Variants in CIDEA observed in about 807,000 individuals in gnomAD.
CIDEA encodes lipid transferase CIDEA.
In CIDEA, 10 loss-of-function variants were observed where a neutral mutation model predicts 18.2. That is an observed-to-expected ratio of 0.55 (90% CI 0.34 to 0.93). The LOEUF (loss-of-function observed/expected upper bound fraction) is 0.93, where lower values mean the gene tolerates loss of function less well. Among genes scored for constraint, CIDEA ranks in the 40% least tolerant of loss-of-function variants. The pLI, the probability that CIDEA is intolerant of heterozygous loss-of-function variation, is 0.02. For missense variants in CIDEA, 309 were observed against 293.1 expected (o/e 1.05, Z -0.40); for synonymous variants, 128 against 124.8 (o/e 1.03, Z -0.17).
intron 1 of CIDEA, among the ~76,000 whole-genome samples, chr18:12,257,885 C>A (rs11875697): frequency 0.019 from 2,833 of 152,208 alleles, 90 homozygotes; most frequent in African/African-American, 0.065. Flanking sequence ...CTCTACTCAG[C>A]GGGCTGGAGG....
chr18:12,254,578 A>C lies in CIDEA; in HGVS notation c.38+157A>C, dbSNP rs753290844. 104 of 1,524,514 alleles carry C rather than the reference A, an allele frequency of 6.8e-5. No homozygotes were observed. The African/African-American group carries it at 1.4e-3, about 21-fold the overall frequency. The allele number at this position is 1,524,514 out of a possible 1,614,324, so 94.4% of individuals were successfully genotyped here. A position where few individuals can be genotyped will look rare whatever the true frequency, so the allele number is the denominator to read the frequency against. ...GCTCCGCGACCCCGCGCACACACCC[A>C]TCCGCCCCACTGGTGCCCAAGCCGT... On this transcript the variant is annotated intron_variant, in intron 1 of 4. Transcript: ENST00000320477.
intron 1 of CIDEA, among the ~76,000 whole-genome samples, chr18:12,258,296 G>C (rs1406512039): frequency 1.3e-5 from 2 of 152,180 alleles, no homozygotes; most frequent in African/African-American, 4.8e-5. Context: ...TAATCATCTG[G>C]GCCAGGTCAC....
chr18:12,268,570 G>A (rs562099009), intron 3 of CIDEA, among the ~76,000 whole-genome samples: 1 of 151,302 alleles, frequency 6.6e-6, no homozygotes, highest in Non-Finnish European at 1.5e-5. Context: ...GTATCTTCTT[G>A]TAGAGACAGG....
chr18:12,269,545 T>C (rs1341896447), intron 3 of CIDEA, among the ~76,000 whole-genome samples: 1 of 152,210 alleles, frequency 6.6e-6, no homozygotes, highest in East Asian at 1.9e-4. Flanking sequence ...ATGGACCTTT[T>C]TCCTGGGGAT....
intron 2 of CIDEA, 80 bp from the exon 3 acceptor site, chr18:12,264,227 T>C (rs1161394589): frequency 4.1e-5 from 55 of 1,352,296 alleles, no homozygotes; most frequent in Non-Finnish European, 5.3e-5. Context: ...TTTTGAAAAC[T>C]GTAACTTAAT....
chr18:12,254,984 C>G (rs1187115272), intron 1 of CIDEA: 2 of 1,191,776 alleles, frequency 1.7e-6, no homozygotes, highest in Non-Finnish European at 2.1e-6. Flanking sequence ...AAGCGCTCCT[C>G]CTTGCCTCCG....
At position 12,277,362 on chromosome 18, in the gene CIDEA, A is replaced by G; in HGVS notation, c.*92A>G. The G allele has an allele frequency of 3.6e-6, 5 of 1,404,166 alleles. No homozygotes were observed. The highest frequency in any genetic ancestry group is 4.9e-6 in the Non-Finnish European group (5 of 1,020,424). The allele number at this position is 1,404,166 out of a possible 1,614,324, so 87.0% of individuals were successfully genotyped here. On this transcript the variant is annotated 3_prime_UTR_variant, in exon 5 of 5. Transcript: ENST00000320477. ...AAGATGCTTTTATGTTCTGAGCCAC[A>G]TGCACTTGGAGGCCGCTGGTCACGC...
chr18:12,270,456 C>T (rs1165199925), intron 3 of CIDEA, among the ~76,000 whole-genome samples: 2 of 151,970 alleles, frequency 1.3e-5, no homozygotes, highest in Non-Finnish European at 2.9e-5. Flanking sequence ...TTTGGGAGGC[C>T]AAGGTGGGTG....
At chr18:12,267,213 C>T (rs902001937) in intron 3 of CIDEA, among the ~76,000 whole-genome samples, 5 of 152,226 alleles carry the variant, frequency 3.3e-5, no homozygotes, top group African/African-American at 1.2e-4. Context: ...AACAACACCA[C>T]GTCAGCAGGT....
At chr18:12,274,060 T>C (rs147984287) in intron 3 of CIDEA, 33 bp from the exon 4 acceptor site, 15 of 1,611,716 alleles carry the variant, frequency 9.3e-6, no homozygotes, top group African/African-American at 8.0e-5. Context: ...TTAGGAAGGC[T>C]CCTGAAGCCT....
At position 12,274,292 on chromosome 18, in the gene CIDEA, T is replaced by G; in HGVS notation, c.512+18T>G. The G allele has an allele frequency of 6.2e-7, 1 of 1,613,152 alleles. No homozygotes were observed. The highest frequency in any genetic ancestry group is 1.1e-5 in the South Asian group (1 of 91,006). On this transcript the variant is annotated intron_variant, in intron 4 of 4. Transcript: ENST00000320477. Reference sequence around the variant, plus strand: ...CTGCTGAGGTAACACACTCCAGGGGTCACCTCCGGGGGTCTGCAGACTGCA... The same window carrying G: ...CTGCTGAGGTAACACACTCCAGGGGGCACCTCCGGGGGTCTGCAGACTGCA...
rs374865767 is a variant in CIDEA, at chr18:12,274,230, C to T, written c.468C>T (p.Ser156=). Residue 156 remains serine, a synonymous_variant, in exon 4 of 5, where the codon TCC becomes TCT. Coordinates refer to ENST00000320477, the MANE Select transcript of CIDEA (RefSeq NM_001279.4). ...NVKATMYEMY[S]VSYDIRCTGL... is the part of the protein sequence containing the mutation. ...AGGCCACCATGTATGAGATGTACTCCGTGTCCTACGACATCCGGTGCACGG... is the reference window on the plus strand; with the variant it reads ...AGGCCACCATGTATGAGATGTACTCTGTGTCCTACGACATCCGGTGCACGG... 8.7e-6 allele frequency: 14 copies of T among 1,614,096 alleles called. No individual in the cohort carries two copies. Among genetic ancestry groups the T allele is most frequent in the African/African-American group, 2.7e-5 (2 of 74,934 alleles).
chr18:12,271,921 G>C (rs1912546154), intron 3 of CIDEA, among the ~76,000 whole-genome samples: 1 of 152,140 alleles, frequency 6.6e-6, no homozygotes, highest in Non-Finnish European at 1.5e-5. Flanking sequence ...GCGGGAGGGC[G>C]TCATAATTTT....
At chr18:12,275,015 T>C in intron 4 of CIDEA, among the ~76,000 whole-genome samples, 1 of 152,228 alleles carries the variant, frequency 6.6e-6, no homozygotes, top group Admixed American at 6.5e-5. Flanking sequence ...TGAGCCTTGC[T>C]TTTATCATCT....
chr18:12,260,927 C>T (rs370868778), intron 1 of CIDEA, among the ~76,000 whole-genome samples: 4 of 152,194 alleles, frequency 2.6e-5, no homozygotes, highest in African/African-American at 7.2e-5. Flanking sequence ...GGGTGCTCTC[C>T]GGGGTGAGGG....
At chr18:12,266,566 G>A (rs939329697) in intron 3 of CIDEA, among the ~76,000 whole-genome samples, 3 of 152,160 alleles carry the variant, frequency 2.0e-5, no homozygotes, top group Non-Finnish European at 4.4e-5. Context: ...CTAAAATCAA[G>A]TAAATGGAGA....
At chr18:12,274,913 C>T (rs930788331) in intron 4 of CIDEA, among the ~76,000 whole-genome samples, 5 of 152,196 alleles carry the variant, frequency 3.3e-5, no homozygotes, top group African/African-American at 9.7e-5. Context: ...TGGGTGCCAC[C>T]CCTGCCATTG....
At chr18:12,261,874 T>C (rs1467696613) in intron 1 of CIDEA, among the ~76,000 whole-genome samples, 2 of 150,616 alleles carry the variant, frequency 1.3e-5, no homozygotes, top group East Asian at 4.1e-4. Context: ...AGAGCCACCA[T>C]GCCCAGCAGG....
At chr18:12,254,880 C>T in intron 1 of CIDEA, 2 of 1,315,452 alleles carry the variant, frequency 1.5e-6, no homozygotes, top group Non-Finnish European at 2.0e-6. Context: ...GCGGGAGGGG[C>T]CCAGGCTTGG....
Sources: allele counts gnomAD v4.1 joint callset (sites outside exome capture counted in the v4.1 genomes callset), GRCh38; gene constraint gnomAD v4.1.1; transcripts MANE v1.5; gene names NCBI Gene and HGNC (gene_info 2026-07-23, HGNC 2026-07-21).